Variants in STPG2 observed in about 807,000 individuals in gnomAD.
The protein encoded by STPG2 is sperm tail PG-rich repeat containing 2, also known as sperm-tail PG-rich repeat-containing protein 2.
STPG2 carries 56 observed loss-of-function variants against 54.2 expected under a neutral mutation model. The ratio of observed to expected loss-of-function variants is 1.03; its 90% CI spans 0.83 to 1.29. The LOEUF is 1.29. STPG2 is among the 50% of genes most tolerant of loss of function. The pLI, the probability that STPG2 is intolerant of heterozygous loss-of-function variation, is 0.00. For missense variants in STPG2, 596 were observed against 544.9 expected, an observed-to-expected ratio of 1.09 and a Z score of -0.93; for synonymous variants, 200 against 181.8, an observed-to-expected ratio of 1.10 and a Z score of -0.81.
intron 8 of STPG2, among the ~76,000 whole-genome samples, chr4:97,920,605 A>C (rs965362637): frequency 6.6e-6 from 1 of 152,208 alleles, no homozygotes; most frequent in African/African-American, 2.4e-5. Context: ...CCAAAAAAAA[A>C]AGCAGTGCCA....
At chr4:97,764,409 C>T (rs1013999134) in intron 9 of STPG2, among the ~76,000 whole-genome samples, 4 of 152,100 alleles carry the variant, frequency 2.6e-5, no homozygotes, top group Admixed American at 6.6e-5. Context: ...ATATGAATTT[C>T]GTGCACTATT....
At chr4:97,586,257 A>G (rs1293492280) in intron 10 of STPG2, among the ~76,000 whole-genome samples, 1 of 151,946 alleles carries the variant, frequency 6.6e-6, no homozygotes, top group South Asian at 2.1e-4. Context: ...GGACAGACCA[A>G]TACAATTCAT....
At chr4:97,571,241 T>C (rs1421909786) in intron 10 of STPG2, among the ~76,000 whole-genome samples, 1 of 152,112 alleles carries the variant, frequency 6.6e-6, no homozygotes, top group Non-Finnish European at 1.5e-5. Flanking sequence ...ATTCAATAGA[T>C]GATAGCCTTC....
intron 4 of STPG2, among the ~76,000 whole-genome samples, chr4:97,452,072 G>C (rs1474224198): frequency 2.8e-5 from 4 of 143,588 alleles, no homozygotes; most frequent in African/African-American, 1.1e-4. Flanking sequence ...AACTGCAGCT[G>C]CAGAGCCAGT....
chr4:97,791,488 G>C (rs959590220), intron 9 of STPG2, among the ~76,000 whole-genome samples: 2 of 152,006 alleles, frequency 1.3e-5, no homozygotes, highest in African/African-American at 4.8e-5. Context: ...AGTTGTCAAA[G>C]TCAGAAATAC....
At chr4:97,460,732 C>T (rs544020838) in intron 4 of STPG2, among the ~76,000 whole-genome samples, 3 of 152,306 alleles carry the variant, frequency 2.0e-5, no homozygotes, top group African/African-American at 7.2e-5. Context: ...TCCTCCAAAA[C>T]GCTCTTATGT....
chr4:97,478,282 A>T (rs1380130983), intron 4 of STPG2, among the ~76,000 whole-genome samples: 1 of 152,228 alleles, frequency 6.6e-6, no homozygotes, highest in Non-Finnish European at 1.5e-5. Flanking sequence ...ATTAAGCTAA[A>T]ATTATAAATA....
At chr4:97,860,590 A>T (rs1186074284) in intron 8 of STPG2, among the ~76,000 whole-genome samples, 2 of 151,478 alleles carry the variant, frequency 1.3e-5, no homozygotes, top group African/African-American at 4.8e-5. Flanking sequence ...GTCACTGTTG[A>T]TGTAGAGCCA....
At chr4:97,879,089 G>T (rs1306645401) in intron 8 of STPG2, among the ~76,000 whole-genome samples, 3 of 152,126 alleles carry the variant, frequency 2.0e-5, no homozygotes, top group African/African-American at 7.2e-5. Context: ...TTCCCAACAA[G>T]TTCCTCATCT....
At chr4:98,042,895 T>A (rs193236689) in intron 5 of STPG2, among the ~76,000 whole-genome samples, 1 of 152,014 alleles carries the variant, frequency 6.6e-6, no homozygotes, top group Non-Finnish European at 1.5e-5. Flanking sequence ...CAGTGGGGTG[T>A]TGAAGTCCCC....
At chr4:97,869,884 A>G (rs1729923813) in intron 8 of STPG2, among the ~76,000 whole-genome samples, 1 of 151,600 alleles carries the variant, frequency 6.6e-6, no homozygotes, top group Non-Finnish European at 1.5e-5. Flanking sequence ...CTTCTCACCA[A>G]TAATATGACT....
chr4:97,475,940 C>A (rs1262359934), intron 4 of STPG2, among the ~76,000 whole-genome samples: 1 of 152,018 alleles, frequency 6.6e-6, no homozygotes, highest in Non-Finnish European at 1.5e-5. Context: ...CCACTTACTA[C>A]TACCTAAAAA....
intron 4 of STPG2, among the ~76,000 whole-genome samples, chr4:97,553,113 A>G (rs1560656831): frequency 6.6e-6 from 1 of 152,168 alleles, no homozygotes; most frequent in African/African-American, 2.4e-5. Flanking sequence ...TTTCTCTACT[A>G]TGGTAGCAGT....
intron 10 of STPG2, among the ~76,000 whole-genome samples, chr4:97,665,904 A>G (rs1484873728): frequency 6.6e-6 from 1 of 152,124 alleles, no homozygotes; most frequent in African/African-American, 2.4e-5. Context: ...CTCAGCCTCA[A>G]CTTTGCTCCA....
At chr4:97,871,468 G>A (rs553441143) in intron 8 of STPG2, among the ~76,000 whole-genome samples, 29 of 150,726 alleles carry the variant, frequency 1.9e-4, no homozygotes, top group Non-Finnish European at 2.8e-4. Flanking sequence ...TGAAAACAGG[G>A]AAATAATTAT....
At chr4:97,509,771 G>A (rs1175648499) in intron 4 of STPG2, among the ~76,000 whole-genome samples, 1 of 152,086 alleles carries the variant, frequency 6.6e-6, no homozygotes, top group Non-Finnish European at 1.5e-5. Context: ...GGGAAAAATA[G>A]TGGTTTGTGC....
intron 8 of STPG2, among the ~76,000 whole-genome samples, chr4:97,911,069 G>A (rs918794515): frequency 1.3e-5 from 2 of 152,206 alleles, no homozygotes; most frequent in South Asian, 2.1e-4. Flanking sequence ...GGAGCTCCCA[G>A]CTCCAGCCAA....
At chr4:98,097,691 T>C (rs1421531961) in intron 5 of STPG2, among the ~76,000 whole-genome samples, 3 of 152,172 alleles carry the variant, frequency 2.0e-5, no homozygotes, top group Non-Finnish European at 4.4e-5. Context: ...CAAATTATCC[T>C]TGTTTGCCGA....
intron 8 of STPG2, chr4:97,893,268 T>C (rs2149177096): frequency 6.6e-6 from 1 of 152,080 alleles, no homozygotes; most frequent in East Asian, 1.9e-4. Context: ...ACTATTCATT[T>C]GGAACCACAA....
Sources: allele counts gnomAD v4.1 joint callset (sites outside exome capture counted in the v4.1 genomes callset), GRCh38; gene constraint gnomAD v4.1.1; transcripts MANE v1.5; gene names NCBI Gene and HGNC (gene_info 2026-07-23, HGNC 2026-07-21).